RNPC3: variants seen among roughly 807,000 people sequenced by gnomAD.
RNPC3 encodes RNA-binding region-containing protein 3.
A neutral mutation model predicts 67.5 loss-of-function variants in RNPC3; 48 were observed. That is an observed-to-expected ratio of 0.71 (90% CI 0.56 to 0.90). The LOEUF (loss-of-function observed/expected upper bound fraction) is 0.90, where lower values mean the gene tolerates loss of function less well. Ranked by LOEUF, RNPC3 falls within the 40% of genes least tolerant of loss-of-function variation. The pLI is 0.00. For missense variants in RNPC3, 637 were observed against 626.1 expected, an observed-to-expected ratio of 1.02 and a Z score of -0.19; for synonymous variants, 239 against 210.3, an observed-to-expected ratio of 1.14 and a Z score of -1.18.
intron 12 of RNPC3, among the ~76,000 whole-genome samples, chr1:103,550,437 C>A (rs904136503): frequency 2.0e-4 from 31 of 151,690 alleles, no homozygotes; most frequent in Non-Finnish European, 4.1e-4. Flanking sequence ...GTCAGGAGAT[C>A]GAGACCATCC....
At chr1:103,534,376 ATGT>A (rs778074817) in intron 3 of RNPC3, among the ~76,000 whole-genome samples, 1 of 151,986 alleles carries the variant, frequency 6.6e-6, no homozygotes, top group Non-Finnish European at 1.5e-5. Flanking sequence ...GGATGGGAAA[ATGT>A]TGTAGAAGTC....
chr1:103,549,804 G>A (rs1015731748), intron 12 of RNPC3, among the ~76,000 whole-genome samples: 2 of 152,076 alleles, frequency 1.3e-5, no homozygotes, highest in Non-Finnish European at 1.5e-5. Context: ...TAAAATTATG[G>A]TTTTAATTAG....
intron 14 of RNPC3, chr1:103,552,844 T>C (rs1651430413): frequency 6.6e-6 from 1 of 152,218 alleles, no homozygotes; most frequent in Admixed American, 6.5e-5. Context: ...TGGAGTTAAA[T>C]ATTTTTTGTC....
intron 6 of RNPC3, among the ~76,000 whole-genome samples, chr1:103,537,120 G>C (rs1397079607): frequency 2.6e-5 from 4 of 152,002 alleles, no homozygotes; most frequent in African/African-American, 7.2e-5. Flanking sequence ...TATAACTGCA[G>C]AGGAGCTTTG....
At chr1:103,538,550 A>G (rs1036748256) in intron 7 of RNPC3, among the ~76,000 whole-genome samples, 2 of 152,230 alleles carry the variant, frequency 1.3e-5, no homozygotes, top group African/African-American at 4.8e-5. Flanking sequence ...ATAAACACAT[A>G]TCAAACAAGG....
chr1:103,525,932 T>A lies in RNPC3; in HGVS notation c.-139T>A, dbSNP rs1368993766. On this transcript the variant is annotated 5_prime_UTR_variant, in exon 1 of 15. Transcript: ENST00000423855. ...CGGTGGCGCAGTTCTCGCGAGAAGG[T>A]GACTTTCTTTCTCGGTATTTCCTGG... 1 of 694,588 alleles carries A rather than the reference T, an allele frequency of 1.4e-6. No homozygotes were observed. Among genetic ancestry groups the A allele is most frequent in the African/African-American group, 1.8e-5 (1 of 55,146 alleles). The allele number at this position is 694,588 out of a possible 1,614,324, so 43.0% of individuals were successfully genotyped here. A position where few individuals can be genotyped will look rare whatever the true frequency, so the allele number is the denominator to read the frequency against.
Position 103,546,334 on chromosome 1 carries a change from C to T in RNPC3, c.1294C>T (p.Gln432Ter). 1 of 1,417,632 alleles carries T rather than the reference C, an allele frequency of 7.1e-7. No individual in the cohort carries two copies. The highest frequency in any genetic ancestry group is 9.3e-7 in the Non-Finnish European group (1 of 1,070,760). The allele number at this position is 1,417,632 out of a possible 1,614,324, so 87.8% of individuals were successfully genotyped here. Residue 432 changes from glutamine to a stop codon, truncating the protein, a stop_gained, in exon 11 of 15, where the codon CAA becomes TAA. Transcript: ENST00000423855. LOFTEE classifies it high-confidence loss of function. ...IYVKNLAKHV[Q>*]EKDLKYIFGR... The stretch of plus-strand genomic sequence containing the variant: ...TGTAAAGAATTTAGCTAAACATGTT[C>T]AAGAAAAGGTAGGTATAAATTGATT...
At chr1:103,542,999 T>C (rs1472925281) in intron 8 of RNPC3, among the ~76,000 whole-genome samples, 3 of 151,740 alleles carry the variant, frequency 2.0e-5, no homozygotes, top group African/African-American at 7.2e-5. Context: ...TCCTGGTGTT[T>C]AGAATCAAGA....
intron 2 of RNPC3, among the ~76,000 whole-genome samples, chr1:103,530,692 C>A (rs1276861128): frequency 2.6e-5 from 4 of 152,068 alleles, no homozygotes. Context: ...GCTGTTGTGA[C>A]TAGACTGAAG....
intron 1 of RNPC3, among the ~76,000 whole-genome samples, chr1:103,527,426 T>A (rs771411789): frequency 1.3e-5 from 2 of 152,014 alleles, no homozygotes; most frequent in Non-Finnish European, 2.9e-5. Flanking sequence ...GTAGAACAGG[T>A]CTTTAAACTT....
At chr1:103,552,235 T>G (rs1651408906) in intron 14 of RNPC3, 1 of 152,296 alleles carries the variant, frequency 6.6e-6, no homozygotes, top group African/African-American at 2.4e-5. Flanking sequence ...TGCTGGACAT[T>G]TAGTGCTGAA....
Position 103,532,046 on chromosome 1 carries a change from C to T in RNPC3, c.241-1693C>T, listed in dbSNP as rs567472334. 7.9e-5 allele frequency among the ~76,000 whole-genome samples: 12 copies of T among 152,112 alleles called. No individual in the cohort carries two copies. In the South Asian group the frequency reaches 1.9e-3, roughly 24 times the overall value. The stretch of plus-strand genomic sequence containing the variant: ...GGATCCAGTTTCATTCTTCTACATG[C>T]GACTTGCCAATTATCCCAGCACCAT... On this transcript the variant is annotated intron_variant, in intron 2 of 14. Transcript: ENST00000423855.
chr1:103,546,942 C>G lies in RNPC3; in HGVS notation c.1303-35C>G, dbSNP rs548181596. 7 of 1,123,566 alleles carry G rather than the reference C, an allele frequency of 6.2e-6. No individual in the cohort carries two copies. The Admixed American group carries it at 1.7e-4, about 28-fold the overall frequency. 69.6% of individuals were successfully genotyped at this position (1,123,566 alleles called of 1,614,324 possible). ...TATTTATTAAGTTTTTTTCCCCTGG[C>G]TTTGTTATTTGTCTTTTTCTTATTG... On this transcript the variant is annotated intron_variant, in intron 11 of 14. Coordinates refer to ENST00000423855, the MANE Select transcript of RNPC3 (RefSeq NM_017619.4).
intron 5 of RNPC3, 53 bp from the exon 6 acceptor site, chr1:103,536,073 A>G: frequency 7.7e-7 from 1 of 1,306,888 alleles, no homozygotes; most frequent in Non-Finnish European, 1.1e-6. Context: ...ATAAAATACA[A>G]GATGTGAGTT....
chr1:103,532,890 G>T (rs919646382), intron 2 of RNPC3, among the ~76,000 whole-genome samples: 15 of 151,984 alleles, frequency 9.9e-5, no homozygotes, highest in African/African-American at 3.4e-4. Flanking sequence ...AACTGAATAG[G>T]CAGAGAGGAG....
chr1:103,551,815 A>G (rs1651394907), intron 14 of RNPC3, 23 bp downstream of exon 14: 1 of 1,182,486 alleles, frequency 8.5e-7, no homozygotes, highest in East Asian at 2.6e-5. Context: ...AAAACATAAT[A>G]AAAAGACAAG....
intron 2 of RNPC3, among the ~76,000 whole-genome samples, chr1:103,528,924 A>G (rs1650776561): frequency 6.6e-6 from 1 of 152,238 alleles, no homozygotes; most frequent in Non-Finnish European, 1.5e-5. Flanking sequence ...TTGCCATGAA[A>G]CAATAGAAAT....
intron 12 of RNPC3, among the ~76,000 whole-genome samples, chr1:103,549,925 G>A (rs1651343820): frequency 6.6e-6 from 1 of 151,302 alleles, no homozygotes; most frequent in African/African-American, 2.5e-5. Flanking sequence ...CACATTGGGA[G>A]GCCGAAGCGG....
intron 13 of RNPC3, 45 bp downstream of exon 13, chr1:103,551,118 A>T: frequency 6.9e-7 from 1 of 1,458,666 alleles, no homozygotes; most frequent in Non-Finnish European, 9.2e-7. Context: ...AATTTTTAGA[A>T]GGATATAACT....
Sources: gnomAD v4.1 joint callset for allele counts (sites outside exome capture counted in the v4.1 genomes callset) on GRCh38, gnomAD v4.1.1 for gene constraint, MANE v1.5 for transcripts, NCBI Gene and HGNC (gene_info 2026-07-23, HGNC 2026-07-21) for gene names.